Variants in AREL1 observed in about 807,000 individuals in gnomAD.
AREL1 encodes apoptosis-resistant E3 ubiquitin protein ligase 1.
A neutral mutation model predicts 99.0 loss-of-function variants in AREL1; 62 were observed. That is an observed-to-expected ratio of 0.63 (90% CI 0.51 to 0.77). The LOEUF (loss-of-function observed/expected upper bound fraction) is 0.77. Ranked by LOEUF, AREL1 falls within the 30% of genes least tolerant of loss-of-function variation. AREL1 has a pLI of 0.00. For missense variants in AREL1, 879 were observed against 1,027.6 expected, an observed-to-expected ratio of 0.86 and a Z score of 1.98; for synonymous variants, 380 against 376.5, an observed-to-expected ratio of 1.01 and a Z score of -0.11.
chr14:74,684,727 C>G (rs1259936626), intron 3 of AREL1, 47 bp from the exon 4 acceptor site: 2 of 1,555,674 alleles, frequency 1.3e-6, no homozygotes, highest in Admixed American at 3.4e-5. Flanking sequence ...TTACACATTA[C>G]AGCTTTTCAT....
At chr14:74,684,348 G>T in intron 4 of AREL1, 106 bp downstream of exon 4, 1 of 1,007,188 alleles carries the variant, frequency 9.9e-7, no homozygotes, top group Non-Finnish European at 1.5e-6. Context: ...CCTGGAGGGA[G>T]TTGAAAAACA....
intron 11 of AREL1, 42 bp from the exon 12 acceptor site, chr14:74,671,525 T>G: frequency 1.5e-6 from 2 of 1,351,178 alleles, no homozygotes; most frequent in Non-Finnish European, 2.1e-6. Context: ...GAACACTGGC[T>G]GGTGTCCTCT....
At chr14:74,696,320 A>G (rs1242800684) in intron 1 of AREL1, among the ~76,000 whole-genome samples, 1 of 152,248 alleles carries the variant, frequency 6.6e-6, no homozygotes, top group East Asian at 1.9e-4. Context: ...AATGTTATGC[A>G]AACACATCTA....
In AREL1 at chr14:74,712,849, C is replaced by T. The variant is rs192654896; in HGVS notation, c.-334+84G>A. 68 of 465,482 alleles carry T rather than the reference C, an allele frequency of 1.5e-4. No homozygotes were observed. The East Asian group carries it at 2.7e-3, about 18-fold the overall frequency. 28.8% of individuals were successfully genotyped at this position (465,482 alleles called of 1,614,324 possible). On this transcript the variant is annotated intron_variant, in intron 1 of 19. Coordinates refer to ENST00000356357, the MANE Select transcript of AREL1 (RefSeq NM_001039479.2). ...TGGGCAAACCAGGAGTCTGAACCCC[C>T]CTACCCTTTTCCTCCCTCTCTCTCT...
chr14:74,668,065 CCA>C (rs767536627), intron 15 of AREL1, among the ~76,000 whole-genome samples: 1 of 152,220 alleles, frequency 6.6e-6, no homozygotes, highest in Non-Finnish European at 1.5e-5. Flanking sequence ...ACAGAACAAG[CCA>C]CAGTTTGATA....
chr14:74,669,999 C>G lies in AREL1; in HGVS notation c.1736G>C (p.Arg579Pro). The part of the protein sequence containing the change: ...GGAYKQLVRA[R>P]FTRSFLAQII... ...TTGGGCCAGGAAAGAGCGGGTGAAG[C>G]GAGCTCGGACCAACTGCTTGTAGGC... Residue 579 changes from arginine to proline, a missense_variant, in exon 14 of 20, where the codon CGC becomes CCC. By Grantham distance (103) the Arg-to-Pro change is moderately radical. Transcript: ENST00000356357. The G allele has an allele frequency of 5.0e-6, 8 of 1,613,932 alleles. No homozygotes were observed. Among genetic ancestry groups the G allele is most frequent in the Non-Finnish European group, 6.8e-6 (8 of 1,179,858 alleles).
chr14:74,666,423 T>A (rs969976828), intron 17 of AREL1, among the ~76,000 whole-genome samples: 44 of 152,332 alleles, frequency 2.9e-4, no homozygotes, highest in African/African-American at 1.1e-3. Flanking sequence ...TTAGAGCCAT[T>A]TTTTAGTTGT....
chr14:74,678,764 C>T (rs923705667), intron 5 of AREL1, among the ~76,000 whole-genome samples: 1 of 149,710 alleles, frequency 6.7e-6, no homozygotes, highest in Non-Finnish European at 1.5e-5. Flanking sequence ...TGGATCATGA[C>T]CCTAAATACA....
chr14:74,688,211 G>C (rs1284223914), intron 2 of AREL1, among the ~76,000 whole-genome samples: 1 of 151,726 alleles, frequency 6.6e-6, no homozygotes, highest in Non-Finnish European at 1.5e-5. Flanking sequence ...ATTTTTGGTA[G>C]AGACGAGGTT....
rs1364904720 is a variant in AREL1 at position 74,662,862 on chromosome 14, G to T, written c.*858C>A. The T allele has an allele frequency of 2.8e-6, 1 of 358,580 alleles. No individual in the cohort carries two copies. Among genetic ancestry groups the T allele is most frequent in the Non-Finnish European group, 5.0e-6 (1 of 201,178 alleles). 22.2% of individuals were successfully genotyped at this position (358,580 alleles called of 1,614,324 possible). ...AGCTTTTAGCAGACTACATAATGGG[G>T]AAGTCAGTGGCCCAAGCCGGCCATA... On this transcript the variant is annotated 3_prime_UTR_variant, in exon 20 of 20. Coordinates refer to ENST00000356357, the MANE Select transcript of AREL1 (RefSeq NM_001039479.2).
intron 11 of AREL1, among the ~76,000 whole-genome samples, chr14:74,671,738 C>A (rs186347749): frequency 6.6e-6 from 1 of 152,076 alleles, no homozygotes; most frequent in African/African-American, 2.4e-5. Flanking sequence ...TTGTTTTTTT[C>A]TTTTCCTTTT....
chr14:74,684,567 G>A lies in AREL1; in HGVS notation c.130C>T (p.Arg44Trp), dbSNP rs375900833. Residue 44 changes from arginine to tryptophan, a missense_variant, in exon 4 of 20, where the codon CGG becomes TGG. Transcript: ENST00000356357. ...QNEDRERRGD[R>W]TIYDYVRGNY... ...CCCCGCACGTAGTCATAAATAGTCC[G>A]GTCCCCTCGGCGCTCGCGGTCCTCA... The A allele has an allele frequency of 6.1e-5, 99 of 1,614,120 alleles. No homozygotes were observed. The South Asian group carries it at 9.3e-4, about 15-fold the overall frequency.
At chr14:74,694,152 G>A (rs767717273) in intron 1 of AREL1, among the ~76,000 whole-genome samples, 1 of 151,748 alleles carries the variant, frequency 6.6e-6, no homozygotes, top group Non-Finnish European at 1.5e-5. Flanking sequence ...TCCACCCTGG[G>A]CAACAGAGCC....
rs747824738 is a variant in AREL1, at chr14:74,676,126, T to A, written c.832+15A>T. ...CTGAAGAACAGCACTAAATCATACT[T>A]TTCTTTTAACTTACCACTTAGGACA... On this transcript the variant is annotated intron_variant, in intron 7 of 19. Transcript: ENST00000356357. 1 of 1,609,250 alleles carries A rather than the reference T, an allele frequency of 6.2e-7. No individual in the cohort carries two copies. The highest frequency in any genetic ancestry group is 1.1e-5 in the South Asian group (1 of 90,966).
chr14:74,663,864 A>G, intron 19 of AREL1, 35 bp downstream of exon 19: 2 of 1,614,136 alleles, frequency 1.2e-6, no homozygotes, highest in Non-Finnish European at 1.7e-6. Flanking sequence ...TACCACCAAA[A>G]ACACTGGGCA....
intron 15 of AREL1, 82 bp from the exon 16 acceptor site, chr14:74,667,676 G>T: frequency 6.7e-7 from 1 of 1,497,628 alleles, no homozygotes. Flanking sequence ...ATGTTTTATA[G>T]ACACAGATTA....
chr14:74,669,805 A>G lies in AREL1; in HGVS notation c.1789-31T>C, dbSNP rs778754189. 1.1e-5 allele frequency: 17 copies of G among 1,612,478 alleles called. No homozygotes were observed. In the Admixed American group the frequency reaches 2.7e-4, roughly 25 times the overall value. On this transcript the variant is annotated intron_variant, in intron 14 of 19. Coordinates refer to ENST00000356357, the MANE Select transcript of AREL1 (RefSeq NM_001039479.2). ...GAGGCAGAAAGACACAGAACAGAAC[A>G]TGAATACTCTTGCCCTGAAAGGTGT...
At chr14:74,680,421 A>G (rs2089603677) in intron 5 of AREL1, among the ~76,000 whole-genome samples, 1 of 152,224 alleles carries the variant, frequency 6.6e-6, no homozygotes, top group South Asian at 2.1e-4. Context: ...GTTAGCAAGG[A>G]TGTGAAGAAA....
At chr14:74,711,543 A>AAAAATAAAAT (rs745902318) in intron 1 of AREL1, among the ~76,000 whole-genome samples, 4 of 152,154 alleles carry the variant, frequency 2.6e-5, no homozygotes, top group African/African-American at 7.2e-5. Flanking sequence ...GCTCTGTCTC[A>AAAAATAAAAT]AAAATAAAAT....
Sources: gnomAD v4.1 joint callset for allele counts (sites outside exome capture counted in the v4.1 genomes callset) on GRCh38, gnomAD v4.1.1 for gene constraint, MANE v1.5 for transcripts, NCBI Gene and HGNC (gene_info 2026-07-23, HGNC 2026-07-21) for gene names.